FCHO2: variants seen among roughly 807,000 people sequenced by gnomAD.
FCHO2 encodes F-BAR domain only protein 2.
FCHO2 carries 43 observed loss-of-function variants against 114.1 expected under a neutral mutation model. That is an observed-to-expected ratio of 0.38 (90% CI 0.30 to 0.49). The LOEUF (loss-of-function observed/expected upper bound fraction) is 0.49, where lower values mean the gene tolerates loss of function less well. FCHO2 is among the 20% of genes least tolerant of loss of function. The pLI is 0.97. For missense variants in FCHO2, 807 were observed against 950.4 expected (o/e 0.85, Z 1.98); for synonymous variants, 293 against 315.2 (o/e 0.93, Z 0.75).
chr5:73,058,802 GAT>G (rs1183286796), intron 17 of FCHO2, among the ~76,000 whole-genome samples: 4 of 152,118 alleles, frequency 2.6e-5, no homozygotes, highest in African/African-American at 9.6e-5. Context: ...AGTGTTTATA[GAT>G]AATTCAAATA....
At chr5:73,063,142 C>A (rs993502690) in intron 17 of FCHO2, among the ~76,000 whole-genome samples, 1 of 151,836 alleles carries the variant, frequency 6.6e-6, no homozygotes, top group South Asian at 2.1e-4. Flanking sequence ...TGACATTTAT[C>A]CAGTAATTTA....
intron 1 of FCHO2, 30 bp from the exon 2 acceptor site, chr5:72,968,468 T>A: frequency 7.0e-7 from 1 of 1,428,204 alleles, no homozygotes; most frequent in Non-Finnish European, 9.3e-7. Flanking sequence ...TCTGTTTTTT[T>A]ATGAAACTAA....
chr5:72,985,167 C>CTTTTT (rs569207173), intron 2 of FCHO2, among the ~76,000 whole-genome samples: 1 of 145,734 alleles, frequency 6.9e-6, no homozygotes, highest in African/African-American at 2.5e-5. Context: ...CTATTCAGTA[C>CTTTTT]TTTTTTTTTT....
intron 2 of FCHO2, among the ~76,000 whole-genome samples, chr5:72,983,733 A>C (rs115171889): frequency 0.056 from 8,540 of 152,022 alleles, 356 homozygotes; most frequent in Non-Finnish European, 0.092. Flanking sequence ...GTTGGGTAGT[A>C]TCAGTCTTCC....
intron 1 of FCHO2, among the ~76,000 whole-genome samples, chr5:72,964,948 A>C (rs1335861328): frequency 6.6e-6 from 1 of 152,030 alleles, no homozygotes; most frequent in Non-Finnish European, 1.5e-5. Context: ...CAGTGCATCC[A>C]TAGTATATAC....
At chr5:72,963,833 G>A (rs1260217320) in intron 1 of FCHO2, among the ~76,000 whole-genome samples, 1 of 150,672 alleles carries the variant, frequency 6.6e-6, no homozygotes, top group Non-Finnish European at 1.5e-5. Flanking sequence ...TTCCAAGTGT[G>A]AGCCACCACA....
intron 2 of FCHO2, among the ~76,000 whole-genome samples, chr5:72,983,503 A>G (rs1332061181): frequency 6.7e-6 from 1 of 150,110 alleles, no homozygotes; most frequent in Non-Finnish European, 1.5e-5. Flanking sequence ...AGTTGGGACT[A>G]TACATATGTG....
intron 18 of FCHO2, among the ~76,000 whole-genome samples, chr5:73,067,919 T>C (rs1161864529): frequency 2.0e-5 from 3 of 152,102 alleles, no homozygotes; most frequent in Admixed American, 1.3e-4. Context: ...ATTGGAGTTA[T>C]ATTTTTTATA....
At chr5:72,981,673 T>C (rs1042781579) in intron 2 of FCHO2, among the ~76,000 whole-genome samples, 1 of 152,258 alleles carries the variant, frequency 6.6e-6, no homozygotes, top group African/African-American at 2.4e-5. Context: ...AATTCTTGTC[T>C]TCATGCTTTA....
At chr5:73,087,453 G>T (rs878910738) in intron 24 of FCHO2, 136 bp from the exon 25 acceptor site, 1 of 953,508 alleles carries the variant, frequency 1.0e-6, no homozygotes, top group Admixed American at 2.9e-5. Context: ...TTGGAAACAG[G>T]ATAATAGTTT....
At chr5:72,997,083 A>C in intron 5 of FCHO2, 1 of 1,232,358 alleles carries the variant, frequency 8.1e-7, no homozygotes, top group Non-Finnish European at 1.2e-6. Context: ...GGAATCAGCT[A>C]GGTGAAGAGG....
chr5:72,991,821 A>G (rs537479236), intron 5 of FCHO2, among the ~76,000 whole-genome samples: 1 of 152,334 alleles, frequency 6.6e-6, no homozygotes, highest in African/African-American at 2.4e-5. Context: ...GTATTTATAT[A>G]CTTTTACATG....
intron 14 of FCHO2, 92 bp from the exon 15 acceptor site, chr5:73,054,433 A>G (rs1166826819): frequency 1.0e-5 from 12 of 1,147,338 alleles, no homozygotes; most frequent in Non-Finnish European, 1.5e-5. Flanking sequence ...TAAAAACAAC[A>G]TAAAATTAGG....
intron 11 of FCHO2, among the ~76,000 whole-genome samples, chr5:73,048,784 T>A (rs892356761): frequency 1.3e-5 from 1 of 75,472 alleles, no homozygotes; most frequent in Non-Finnish European, 3.2e-5. Flanking sequence ...GTGCCAATTA[T>A]TGTATTAATA....
intron 22 of FCHO2, among the ~76,000 whole-genome samples, chr5:73,079,901 CTG>C (rs928327235): frequency 3.3e-5 from 5 of 152,160 alleles, no homozygotes; most frequent in East Asian, 1.9e-4. Flanking sequence ...ATGTATTTCT[CTG>C]TGTGTGTATA....
chr5:73,040,875 C>T (rs939474585), intron 10 of FCHO2, among the ~76,000 whole-genome samples: 1 of 151,982 alleles, frequency 6.6e-6, no homozygotes, highest in Non-Finnish European at 1.5e-5. Flanking sequence ...TAAAGTCAAG[C>T]TTTCTTCTTT....
chr5:73,077,522 A>C (rs1297881454), intron 21 of FCHO2, 29 bp downstream of exon 21: 2 of 1,564,270 alleles, frequency 1.3e-6, no homozygotes, highest in Non-Finnish European at 1.7e-6. Flanking sequence ...TTGAAGGTTG[A>C]AATTTCGTTT....
At chr5:72,988,717 T>C (rs560048560) in intron 2 of FCHO2, among the ~76,000 whole-genome samples, 1 of 152,340 alleles carries the variant, frequency 6.6e-6, no homozygotes, top group African/African-American at 2.4e-5. Context: ...GTCATTAATC[T>C]CTTGTTCTAT....
chr5:73,043,409 T>C (rs542741024), intron 11 of FCHO2, among the ~76,000 whole-genome samples: 17 of 150,960 alleles, frequency 1.1e-4, no homozygotes, highest in South Asian at 1.0e-3. Context: ...CACACACACA[T>C]ACACACACAC....
Sources: allele counts gnomAD v4.1 joint callset (sites outside exome capture counted in the v4.1 genomes callset), GRCh38; gene constraint gnomAD v4.1.1; transcripts MANE v1.5; gene names NCBI Gene and HGNC (gene_info 2026-07-23, HGNC 2026-07-21).